Variants in MACROD2 observed in about 807,000 individuals in gnomAD.
The protein encoded by MACROD2 is mono-ADP ribosylhydrolase 2, also known as ADP-ribose glycohydrolase MACROD2.
In MACROD2, 36 loss-of-function variants were observed where a neutral mutation model predicts 70.4. The observed-to-expected ratio is 0.51, with a 90% CI of 0.39 to 0.68. MACROD2 has a LOEUF of 0.68. Ranked by LOEUF, MACROD2 falls within the 30% of genes least tolerant of loss-of-function variation. The pLI, the probability that MACROD2 is intolerant of heterozygous loss-of-function variation, is 0.00. For synonymous variants in MACROD2, 172 were observed against 178.8 expected, an observed-to-expected ratio of 0.96 and a Z score of 0.30; for missense variants, 496 against 538.4, an observed-to-expected ratio of 0.92 and a Z score of 0.78.
chr20:14,925,120 ACGATCTCC>A (rs2074214059), intron 5 of MACROD2, among the ~76,000 whole-genome samples: 1 of 151,694 alleles, frequency 6.6e-6, no homozygotes, highest in Non-Finnish European at 1.5e-5. Flanking sequence ...TCACCAGGGG[ACGATCTCC>A]TGTGTTTTTT....
chr20:14,191,240 A>T (rs1601330957), intron 3 of MACROD2, among the ~76,000 whole-genome samples: 1 of 152,066 alleles, frequency 6.6e-6, no homozygotes, highest in East Asian at 1.9e-4. Context: ...TACTCATCTT[A>T]TAAAGCCCAG....
intron 7 of MACROD2, among the ~76,000 whole-genome samples, chr20:15,457,960 A>C (rs1434333051): frequency 2.0e-5 from 3 of 150,808 alleles, no homozygotes; most frequent in Admixed American, 6.6e-5. Context: ...AAAAAAAAAA[A>C]AAGAAAAAAG....
At chr20:14,526,050 T>C (rs773406363) in intron 4 of MACROD2, among the ~76,000 whole-genome samples, 1 of 152,180 alleles carries the variant, frequency 6.6e-6, no homozygotes, top group Non-Finnish European at 1.5e-5. Flanking sequence ...AGCCCTTCTT[T>C]TGTCTTGTTG....
At chr20:14,438,311 T>C (rs761327568) in intron 3 of MACROD2, among the ~76,000 whole-genome samples, 7 of 152,174 alleles carry the variant, frequency 4.6e-5, no homozygotes, top group Non-Finnish European at 8.8e-5. Context: ...ATTTCATCCA[T>C]TTGTCTGTGG....
chr20:14,483,026 A>G (rs553466579), intron 3 of MACROD2, among the ~76,000 whole-genome samples: 51 of 152,346 alleles, frequency 3.3e-4, no homozygotes, highest in African/African-American at 1.2e-3. Context: ...GGGGGACTGA[A>G]TTAGCTAGTA....
intron 6 of MACROD2, among the ~76,000 whole-genome samples, chr20:15,330,852 C>T (rs1693936281): frequency 6.6e-6 from 1 of 151,614 alleles, no homozygotes; most frequent in South Asian, 2.1e-4. Context: ...GAGTAAAATT[C>T]TGTTCTCAGC....
In MACROD2 at chr20:15,265,011, T is replaced by G. The variant is rs1033126951; in HGVS notation, c.540+34950T>G. On this transcript the variant is annotated intron_variant, in intron 6 of 17. Transcript: ENST00000684519. ...CAAACATTATTAAATCATATTATAT[T>G]TGAATATCACAAATGAAAATCATTA... Among the ~76,000 whole-genome samples the G allele has an allele frequency of 1.1e-4, 17 of 152,338 alleles. No individual in the cohort carries two copies. In the South Asian group the frequency reaches 2.3e-3, roughly 20 times the overall value.
intron 15 of MACROD2, among the ~76,000 whole-genome samples, chr20:16,000,979 G>C (rs1238990): frequency 0.97 from 147,181 of 152,334 alleles, 71,318 homozygotes; most frequent in East Asian, 1. Context: ...ACTATTATGT[G>C]ATAGGTTTTG....
chr20:15,708,444 A>G (rs1007981398), intron 8 of MACROD2, among the ~76,000 whole-genome samples: 1 of 152,106 alleles, frequency 6.6e-6, no homozygotes, highest in Non-Finnish European at 1.5e-5. Flanking sequence ...GGTAGGGGAA[A>G]GAGCATCCTG....
At chr20:14,244,684 G>A (rs2081955406) in intron 3 of MACROD2, among the ~76,000 whole-genome samples, 1 of 152,184 alleles carries the variant, frequency 6.6e-6, no homozygotes, top group Non-Finnish European at 1.5e-5. Context: ...TCTAAAGCAG[G>A]TACAAATGAT....
chr20:15,465,734 A>T (rs1010356904), intron 7 of MACROD2, among the ~76,000 whole-genome samples: 7 of 152,176 alleles, frequency 4.6e-5, no homozygotes, highest in Admixed American at 6.5e-5. Flanking sequence ...CGGTCATTTC[A>T]TCAACATCCA....
chr20:14,055,246 A>T (rs537853350), intron 2 of MACROD2, among the ~76,000 whole-genome samples: 6 of 152,286 alleles, frequency 3.9e-5, no homozygotes, highest in African/African-American at 1.4e-4. Context: ...TTACAAATGG[A>T]TTAAACACAT....
At chr20:15,505,966 G>A (rs1047193586) in intron 8 of MACROD2, among the ~76,000 whole-genome samples, 28 of 152,168 alleles carry the variant, frequency 1.8e-4, no homozygotes, top group Non-Finnish European at 2.6e-4. Flanking sequence ...CTGTGCCTTC[G>A]GAGGGAAACA....
chr20:14,651,883 G>T (rs1266190797), intron 4 of MACROD2, among the ~76,000 whole-genome samples: 1 of 152,182 alleles, frequency 6.6e-6, no homozygotes, highest in East Asian at 1.9e-4. Flanking sequence ...CTGAGGCAGT[G>T]TCTCACCTAG....
intron 3 of MACROD2, among the ~76,000 whole-genome samples, chr20:14,407,536 G>A (rs562560676): frequency 1.3e-5 from 2 of 152,052 alleles, no homozygotes; most frequent in African/African-American, 4.8e-5. Context: ...ATTAGGTTTC[G>A]ATGTGTCATT....
At chr20:15,032,924 A>G (rs1951773802) in intron 5 of MACROD2, among the ~76,000 whole-genome samples, 1 of 152,370 alleles carries the variant, frequency 6.6e-6, no homozygotes, top group South Asian at 2.1e-4. Flanking sequence ...GTTATATGCC[A>G]TGGATGAACC....
At chr20:15,309,038 C>A (rs184245330) in intron 6 of MACROD2, among the ~76,000 whole-genome samples, 3 of 152,202 alleles carry the variant, frequency 2.0e-5, no homozygotes, top group East Asian at 3.9e-4. Flanking sequence ...TGGTAACAGG[C>A]GTACCCATTA....
rs1015796921 is a variant in MACROD2, at chr20:15,187,369, A to G, written c.419-42571A>G. On this transcript the variant is annotated intron_variant, in intron 5 of 17. Coordinates refer to ENST00000684519, the MANE Select transcript of MACROD2 (RefSeq NM_001351661.2). The stretch of plus-strand genomic sequence containing the variant: ...CACAAAAAAGTAAAAAAGATTCACA[A>G]TATAAATAAGTTTTAAAATGGTTTA... 3.9e-5 allele frequency among the ~76,000 whole-genome samples: 6 copies of G among 152,244 alleles called. No individual in the cohort carries two copies. In the East Asian group the frequency reaches 7.7e-4, roughly 19 times the overall value.
rs192836928 is a variant in MACROD2 at position 14,970,049 on chromosome 20, T to G, written c.419-259891T>G. ...GCTGCTATGAAAAAATACCTTAAAT[T>G]TATAAAGAAAAGAGGTTTAATTAAC... is the stretch of plus-strand genomic sequence containing the variant. On this transcript the variant is annotated intron_variant, in intron 5 of 17. Transcript: ENST00000684519. 4.4e-4 allele frequency among the ~76,000 whole-genome samples: 67 copies of G among 152,152 alleles called. No individual in the cohort carries two copies. The East Asian group carries it at 0.013, about 29-fold the overall frequency.
Sources: allele counts gnomAD v4.1 joint callset (sites outside exome capture counted in the v4.1 genomes callset), GRCh38; gene constraint gnomAD v4.1.1; transcripts MANE v1.5; gene names NCBI Gene and HGNC (gene_info 2026-07-23, HGNC 2026-07-21).